The following MB21D2 variants were observed in gnomAD, a reference collection of about 807,000 sequenced individuals.
The protein encoded by MB21D2 is nucleotidyltransferase MB21D2.
A neutral mutation model predicts 33.3 loss-of-function variants in MB21D2; 9 were observed. The observed-to-expected ratio is 0.27, with a 90% CI of 0.16 to 0.47. The LOEUF (loss-of-function observed/expected upper bound fraction) is 0.47. Ranked by LOEUF, MB21D2 falls within the 20% of genes least tolerant of loss-of-function variation. The pLI is 0.99. For missense variants in MB21D2, 540 were observed against 624.6 expected (o/e 0.86, Z 1.44); for synonymous variants, 241 against 236.3 (o/e 1.02, Z -0.18).
chr3:192,893,006 CACG>C (rs1560253019), intron 1 of MB21D2, among the ~76,000 whole-genome samples: 1 of 152,138 alleles, frequency 6.6e-6, no homozygotes, highest in South Asian at 2.1e-4. Flanking sequence ...ACTTAATTTG[CACG>C]ACAATATTTG....
At chr3:192,815,958 G>C (rs781232041) in intron 1 of MB21D2, among the ~76,000 whole-genome samples, 2 of 152,154 alleles carry the variant, frequency 1.3e-5, no homozygotes, top group African/African-American at 4.8e-5. Flanking sequence ...ATATGGGTCA[G>C]TGAGTATCAA....
rs531879697 is a variant in MB21D2 at position 192,902,556 on chromosome 3, A to T, written c.211+15074T>A. Reference sequence around the variant, plus strand: ...GTTTCTCAATTTCATCATTCTCATCACTACCATCACTGTTTGACCTTGAGC... The same window carrying T: ...GTTTCTCAATTTCATCATTCTCATCTCTACCATCACTGTTTGACCTTGAGC... On this transcript the variant is annotated intron_variant, in intron 1 of 1. Transcript: ENST00000392452. Among the ~76,000 whole-genome samples the T allele has an allele frequency of 1.1e-4, 16 of 152,336 alleles. 1 individual carries two copies. In the South Asian group the frequency reaches 3.3e-3, roughly 32 times the overall value.
At chr3:192,827,777 T>C (rs1712209285) in intron 1 of MB21D2, among the ~76,000 whole-genome samples, 1 of 152,100 alleles carries the variant, frequency 6.6e-6, no homozygotes, top group African/African-American at 2.4e-5. Context: ...TGCTTCCCGC[T>C]CCCCACCATA....
chr3:192,844,480 CCT>C (rs2108626752), intron 1 of MB21D2, among the ~76,000 whole-genome samples: 1 of 152,286 alleles, frequency 6.6e-6, no homozygotes, highest in African/African-American at 2.4e-5. Flanking sequence ...TTTAGCTTCC[CCT>C]GTCCCTTCCT....
intron 1 of MB21D2, among the ~76,000 whole-genome samples, chr3:192,878,682 A>G (rs1243557567): frequency 2.6e-5 from 4 of 152,136 alleles, no homozygotes; most frequent in Non-Finnish European, 4.4e-5. Context: ...TGTGCTGAAG[A>G]GCAGGCTGCA....
chr3:192,914,852 G>T (rs1212546308), intron 1 of MB21D2, among the ~76,000 whole-genome samples: 1 of 152,090 alleles, frequency 6.6e-6, no homozygotes, highest in Non-Finnish European at 1.5e-5. Context: ...TCTTGGTGTT[G>T]ACAGGTCATT....
chr3:192,799,224 A>G lies in MB21D2; in HGVS notation c.638T>C (p.Val213Ala), dbSNP rs776429030. 1 of 1,614,098 alleles carries G rather than the reference A, an allele frequency of 6.2e-7. No individual in the cohort carries two copies. ...GGAGATGATGGTCCCATTTTTTTCC[A>G]CCTTTTCTACCTTTGGCATCCCTCG... is the stretch of plus-strand genomic sequence containing the variant. ...PQRGMPKVEKVEKNGTIISII... is the reference protein window; with the variant it reads ...PQRGMPKVEKAEKNGTIISII... The change falls in exon 2 of 2, where the codon GTG becomes GCG. Residue 213 changes from valine to alanine, a missense_variant. Val to Ala is a moderately conservative substitution (Grantham distance 64). Transcript: ENST00000392452. This position sits in a 1 kb window ranked among gnomAD's most constrained non-coding sequence, Gnocchi z 4.1.
chr3:192,911,774 A>G (rs1714363275), intron 1 of MB21D2, among the ~76,000 whole-genome samples: 1 of 152,162 alleles, frequency 6.6e-6, no homozygotes, highest in Non-Finnish European at 1.5e-5. Context: ...TGGAGGGGGA[A>G]TTGAAACCAA....
chr3:192,910,855 G>C (rs746118221), intron 1 of MB21D2, among the ~76,000 whole-genome samples: 36 of 152,184 alleles, frequency 2.4e-4, no homozygotes, highest in African/African-American at 1.4e-4. Context: ...AGGAGACTTA[G>C]GGTAAAACAC....
At chr3:192,825,073 A>G (rs750833717) in intron 1 of MB21D2, among the ~76,000 whole-genome samples, 2 of 152,140 alleles carry the variant, frequency 1.3e-5, no homozygotes. Context: ...GCCCCAATAT[A>G]TTCTACTTTC....
chr3:192,867,712 T>G (rs911950222), intron 1 of MB21D2, among the ~76,000 whole-genome samples: 3 of 152,216 alleles, frequency 2.0e-5, no homozygotes, highest in African/African-American at 7.2e-5. Flanking sequence ...CTAGGTCCTG[T>G]GCCCTTGAAT....
intron 1 of MB21D2, among the ~76,000 whole-genome samples, chr3:192,909,640 A>C (rs1167362858): frequency 1.3e-5 from 2 of 152,130 alleles, no homozygotes. Flanking sequence ...AACTCTGATG[A>C]AGAGCCTCGG....
At chr3:192,849,315 T>TGG (rs1173463619) in intron 1 of MB21D2, among the ~76,000 whole-genome samples, 3 of 8,426 alleles carry the variant, frequency 3.6e-4, no homozygotes, top group African/African-American at 5.1e-4. Flanking sequence ...GTCTCTTTTT[T>TGG]TGGGGGGGGG....
chr3:192,813,333 C>T (rs1298011603), intron 1 of MB21D2, among the ~76,000 whole-genome samples: 3 of 148,790 alleles, frequency 2.0e-5, no homozygotes, highest in Admixed American at 1.3e-4. Flanking sequence ...AACAAAGCTT[C>T]AGTTTCCAGG....
At position 192,880,530 on chromosome 3, in the gene MB21D2, AG is replaced by A. The variant is rs377006989; in HGVS notation, c.211+37099del. Among the ~76,000 whole-genome samples the A allele has an allele frequency of 7.2e-3, 1,099 of 152,174 alleles. 23 individuals carry two copies. Among genetic ancestry groups the A allele is most frequent in the African/African-American group, 0.025 (1,043 of 41,442 alleles). On this transcript the variant is annotated intron_variant, in intron 1 of 1. Coordinates refer to ENST00000392452, the MANE Select transcript of MB21D2 (RefSeq NM_178496.4). ...AGCCTCAACGGGGTGTCTGGCGTCC[AG>A]TGAGCCTTCATACTCCAACCTTGCC...
At chr3:192,901,637 G>C (rs1368896527) in intron 1 of MB21D2, among the ~76,000 whole-genome samples, 1 of 152,110 alleles carries the variant, frequency 6.6e-6, no homozygotes, top group Non-Finnish European at 1.5e-5. Flanking sequence ...AAGCAGGAAA[G>C]CTGGAAGGGT....
Position 192,799,239 on chromosome 3 carries a change from G to A in MB21D2, c.623C>T (p.Pro208Leu). The change falls in exon 2 of 2, where the codon CCA becomes CTA. Residue 208 changes from proline (P) to leucine (L), a missense_variant. Transcript: ENST00000392452. The surrounding 1 kb of genome is among the most constrained non-coding windows in gnomAD (Gnocchi z 4.1). The part of the protein sequence containing the change: ...EIQKKPQRGM[P>L]KVEKVEKNGT... ...ATTTTTTTCCACCTTTTCTACCTTT[G>A]GCATCCCTCGCTGGGGTTTCTTCTG... 6.2e-7 allele frequency: 1 copy of A among 1,614,134 alleles called. No homozygotes were observed. Among genetic ancestry groups the A allele is most frequent in the Non-Finnish European group, 8.5e-7 (1 of 1,180,018 alleles).
At chr3:192,843,065 G>C (rs999322468) in intron 1 of MB21D2, among the ~76,000 whole-genome samples, 14 of 152,152 alleles carry the variant, frequency 9.2e-5, no homozygotes, top group Admixed American at 2.6e-4. Context: ...AGGTCTTTTA[G>C]CCTACACTCA....
chr3:192,808,560 C>T (rs1309207672), intron 1 of MB21D2, among the ~76,000 whole-genome samples: 2 of 152,162 alleles, frequency 1.3e-5, no homozygotes, highest in African/African-American at 4.8e-5. Flanking sequence ...AGCAATGCTG[C>T]CTGTGGAGGC....
Sources: gnomAD v4.1 joint callset for allele counts (sites outside exome capture counted in the v4.1 genomes callset) on GRCh38, gnomAD v4.1.1 for gene constraint, Gnocchi (gnomAD v3.1) non-coding constraint, MANE v1.5 for transcripts, NCBI Gene and HGNC (gene_info 2026-07-23, HGNC 2026-07-21) for gene names.